Variants in EPB41L4B observed in about 807,000 individuals in gnomAD.
The protein encoded by EPB41L4B is band 4.1-like protein 4B.
Under a neutral mutation model 112.5 loss-of-function variants are expected in EPB41L4B, and 30 were observed. The observed-to-expected ratio is 0.27, with a 90% CI of 0.20 to 0.36. The LOEUF (loss-of-function observed/expected upper bound fraction) is 0.36, where lower values mean the gene tolerates loss of function less well. Among genes scored for constraint, EPB41L4B ranks in the 10% least tolerant of loss-of-function variants. The pLI is 1.00. For synonymous variants in EPB41L4B, 408 were observed against 439.7 expected, an observed-to-expected ratio of 0.93 and a Z score of 0.90; for missense variants, 1,024 against 1,133.3, an observed-to-expected ratio of 0.90 and a Z score of 1.38.
intron 1 of EPB41L4B, among the ~76,000 whole-genome samples, chr9:109,293,274 T>G (rs1448798506): frequency 2.0e-5 from 3 of 152,250 alleles, no homozygotes; most frequent in Non-Finnish European, 4.4e-5. Context: ...TTTATGATGT[T>G]TTTCATAATT....
intron 9 of EPB41L4B, 67 bp from the exon 10 acceptor site, chr9:109,255,910 T>C (rs2119026939): frequency 2.1e-6 from 3 of 1,428,476 alleles, no homozygotes; most frequent in East Asian, 2.3e-5. Context: ...CAAATAGCAG[T>C]TTCCTTTCTA....
At chr9:109,238,347 A>G (rs1018463114) in intron 15 of EPB41L4B, among the ~76,000 whole-genome samples, 6 of 152,228 alleles carry the variant, frequency 3.9e-5, no homozygotes, top group Non-Finnish European at 8.8e-5. Flanking sequence ...AACTGAATCT[A>G]GAAGTCACAT....
chr9:109,197,719 C>T (rs1443239715), intron 20 of EPB41L4B, among the ~76,000 whole-genome samples: 1 of 151,088 alleles, frequency 6.6e-6, no homozygotes, highest in Admixed American at 6.6e-5. Context: ...ACTTGGGAGG[C>T]TGAGGCCGGA....
At chr9:109,278,929 A>G (rs1054565191) in intron 2 of EPB41L4B, among the ~76,000 whole-genome samples, 1 of 152,184 alleles carries the variant, frequency 6.6e-6, no homozygotes, top group Admixed American at 6.5e-5. Context: ...CACTCATTCT[A>G]ACATCTCCAC....
At chr9:109,205,600 T>C (rs1832968298) in intron 18 of EPB41L4B, among the ~76,000 whole-genome samples, 1 of 152,154 alleles carries the variant, frequency 6.6e-6, no homozygotes, top group Non-Finnish European at 1.5e-5. Flanking sequence ...ATTCCTGAGT[T>C]TGTGATGGGA....
Position 109,243,212 on chromosome 9 carries a change from C to CA in EPB41L4B, c.1409+405dup, listed in dbSNP as rs58092749. Among the ~76,000 whole-genome samples, 410 of 52,246 alleles carry CA rather than the reference C, an allele frequency of 7.8e-3. 2 individuals are homozygous for CA. Among genetic ancestry groups the CA allele is most frequent in the African/African-American group, 0.017 (195 of 11,542 alleles). 34.3% of individuals were successfully genotyped at this position (52,246 alleles called of 152,430 possible). A position where few individuals can be genotyped will look rare whatever the true frequency, so the allele number is the denominator to read the frequency against. On this transcript the variant is annotated intron_variant, in intron 15 of 25. Coordinates refer to ENST00000374566, the MANE Select transcript of EPB41L4B (RefSeq NM_019114.5). The stretch of plus-strand genomic sequence containing the variant: ...AACTCATTCCCCCAGCCCACCCCCG[C>CA]AAAAAAAAAAAAAAAAAAAAAAATC...
At chr9:109,311,504 C>G (rs1480061683) in intron 1 of EPB41L4B, among the ~76,000 whole-genome samples, 1 of 152,192 alleles carries the variant, frequency 6.6e-6, no homozygotes, top group Non-Finnish European at 1.5e-5. Context: ...GATGATCCCA[C>G]AGGTGGGACA....
chr9:109,290,756 T>A (rs1367379172), intron 1 of EPB41L4B, among the ~76,000 whole-genome samples: 9 of 141,376 alleles, frequency 6.4e-5, no homozygotes, highest in African/African-American at 2.1e-4. Flanking sequence ...TATATATACC[T>A]CACACACACA....
At chr9:109,239,838 C>T (rs768483353) in intron 15 of EPB41L4B, 17 of 985,362 alleles carry the variant, frequency 1.7e-5, no homozygotes, top group Non-Finnish European at 1.9e-5. Flanking sequence ...CACAAGTAGC[C>T]AGGACAAACA....
intron 19 of EPB41L4B, among the ~76,000 whole-genome samples, chr9:109,200,546 G>A (rs1019142362): frequency 6.6e-6 from 1 of 151,970 alleles, no homozygotes; most frequent in African/African-American, 2.4e-5. Flanking sequence ...AAATCATAGG[G>A]AAGAAAATAT....
intron 2 of EPB41L4B, among the ~76,000 whole-genome samples, chr9:109,279,578 C>T (rs1246143796): frequency 2.6e-5 from 4 of 152,198 alleles, no homozygotes; most frequent in Non-Finnish European, 5.9e-5. Flanking sequence ...GCCTATAATG[C>T]ATCCCTAATG....
At chr9:109,309,588 G>A (rs1486201918) in intron 1 of EPB41L4B, among the ~76,000 whole-genome samples, 1 of 152,096 alleles carries the variant, frequency 6.6e-6, no homozygotes, top group Non-Finnish European at 1.5e-5. Context: ...ACTACACATT[G>A]CTAACAACAT....
rs572119133 is a variant in EPB41L4B at position 109,227,061 on chromosome 9, G to T, written c.1410-9916C>A. 2.6e-5 allele frequency among the ~76,000 whole-genome samples: 4 copies of T among 151,856 alleles called. No homozygotes were observed. The East Asian group carries it at 5.8e-4, about 22-fold the overall frequency. ...CATCATGTTGCCCAGGCTGGTCTCA[G>T]ATCCTGGTCTTAAGCGGTCCTCCCA... is the stretch of plus-strand genomic sequence containing the variant. On this transcript the variant is annotated intron_variant, in intron 15 of 25. Transcript: ENST00000374566.
intron 1 of EPB41L4B, among the ~76,000 whole-genome samples, chr9:109,317,306 C>T (rs1837670317): frequency 2.0e-5 from 3 of 152,232 alleles, no homozygotes; most frequent in Non-Finnish European, 4.4e-5. Context: ...CCTGGAAGTC[C>T]TTCCGATTCC....
chr9:109,174,636 AT>A lies in EPB41L4B; in HGVS notation c.2634-14del, dbSNP rs756202190. ...GAGTGTCTCTGCACTAAAAAAAAGT[AT>A]GTGACAAAATAGTGAGACAATCCCT... On this transcript the variant is annotated splice_polypyrimidine_tract_variant and intron_variant, in intron 25 of 25. Transcript: ENST00000374566. 1.9e-6 allele frequency: 3 copies of A among 1,612,224 alleles called. No homozygotes were observed. Among genetic ancestry groups the A allele is most frequent in the Admixed American group, 3.3e-5 (2 of 59,978 alleles).
intron 1 of EPB41L4B, among the ~76,000 whole-genome samples, chr9:109,287,495 G>A (rs757175941): frequency 6.6e-6 from 1 of 152,192 alleles, no homozygotes; most frequent in African/African-American, 2.4e-5. Flanking sequence ...GTATGTGAGC[G>A]TGCCAGTCAG....
chr9:109,218,368 T>C (rs1202586592), intron 15 of EPB41L4B, among the ~76,000 whole-genome samples: 1 of 151,958 alleles, frequency 6.6e-6, no homozygotes, highest in Non-Finnish European at 1.5e-5. Flanking sequence ...TCAAGTGACC[T>C]GCCTGCCTCA....
chr9:109,320,040 G>A (rs1461840329), intron 1 of EPB41L4B, 101 bp downstream of exon 1: 1 of 969,008 alleles, frequency 1.0e-6, no homozygotes, highest in Non-Finnish European at 1.4e-6. Context: ...GGGATCCCCA[G>A]GGAGGTGCAA....
At chr9:109,251,744 G>A (rs1287869908) in intron 12 of EPB41L4B, among the ~76,000 whole-genome samples, 2 of 152,138 alleles carry the variant, frequency 1.3e-5, no homozygotes, top group Non-Finnish European at 2.9e-5. Flanking sequence ...GGGCGCTCTG[G>A]GAGGCAGGGA....
Sources: gnomAD v4.1 joint callset for allele counts (sites outside exome capture counted in the v4.1 genomes callset) on GRCh38, gnomAD v4.1.1 for gene constraint, MANE v1.5 for transcripts, NCBI Gene and HGNC (gene_info 2026-07-23, HGNC 2026-07-21) for gene names.